ADGRL2: variants seen among roughly 807,000 people sequenced by gnomAD.
ADGRL2 encodes the protein calcium-independent alpha-latrotoxin receptor 2.
A neutral mutation model predicts 157.4 loss-of-function variants in ADGRL2; 44 were observed. The ratio of observed to expected loss-of-function variants is 0.28; its 90% CI spans 0.22 to 0.36. ADGRL2 has a LOEUF of 0.36. Ranked by LOEUF, ADGRL2 falls within the 10% of genes least tolerant of loss-of-function variation. The pLI is 1.00. For synonymous variants in ADGRL2, 585 were observed against 624.7 expected (o/e 0.94, Z 0.95); for missense variants, 1,510 against 1,768.9 (o/e 0.85, Z 2.63).
At chr1:81,549,969 C>A (rs1204873365) in intron 2 of ADGRL2, among the ~76,000 whole-genome samples, 8 of 152,098 alleles carry the variant, frequency 5.3e-5, no homozygotes, top group African/African-American at 1.9e-4. Flanking sequence ...AAAAGAAAAG[C>A]TTCTTTGTAA....
chr1:81,404,224 A>T (rs1336480907), intron 1 of ADGRL2, among the ~76,000 whole-genome samples: 1 of 152,210 alleles, frequency 6.6e-6, no homozygotes, highest in Non-Finnish European at 1.5e-5. Flanking sequence ...CCTTGCCGCC[A>T]TCTACTAGCT....
intron 1 of ADGRL2, among the ~76,000 whole-genome samples, chr1:81,428,751 A>G (rs1003516132): frequency 4.6e-5 from 7 of 152,120 alleles, no homozygotes; most frequent in African/African-American, 1.7e-4. Flanking sequence ...GTTTGATGAG[A>G]TTATAAGGAG....
At chr1:81,398,514 A>C (rs1173855534) in intron 1 of ADGRL2, among the ~76,000 whole-genome samples, 1 of 151,190 alleles carries the variant, frequency 6.6e-6, no homozygotes, top group African/African-American at 2.4e-5. Flanking sequence ...TTGTGGTGTG[A>C]TTATCATCTT....
At chr1:81,404,372 A>T (rs2076816591) in intron 1 of ADGRL2, among the ~76,000 whole-genome samples, 1 of 152,226 alleles carries the variant, frequency 6.6e-6, no homozygotes, top group African/African-American at 2.4e-5. Flanking sequence ...TATAGCGTTT[A>T]GTATGTCCCA....
chr1:81,921,636 T>G (rs996984582), intron 3 of ADGRL2, among the ~76,000 whole-genome samples: 29 of 152,200 alleles, frequency 1.9e-4, no homozygotes, highest in African/African-American at 6.8e-4. Flanking sequence ...TTTTATAGAT[T>G]TTGATGAACC....
intron 2 of ADGRL2, among the ~76,000 whole-genome samples, chr1:81,549,969 C>T (rs1204873365): frequency 6.6e-6 from 1 of 152,098 alleles, no homozygotes; most frequent in South Asian, 2.1e-4. Flanking sequence ...AAAAGAAAAG[C>T]TTCTTTGTAA....
intron 2 of ADGRL2, among the ~76,000 whole-genome samples, chr1:81,467,118 A>G (rs1330816268): frequency 6.6e-6 from 1 of 152,110 alleles, no homozygotes; most frequent in Non-Finnish European, 1.5e-5. Context: ...AAGACTGCTG[A>G]ACCTCATCCC....
chr1:81,894,288 G>T (rs1420193037), intron 2 of ADGRL2, among the ~76,000 whole-genome samples: 1 of 152,032 alleles, frequency 6.6e-6, no homozygotes, highest in African/African-American at 2.4e-5. Flanking sequence ...TTTTCAGTTT[G>T]CATCTATTGT....
chr1:81,951,270 A>G lies in ADGRL2; in HGVS notation c.1608+149A>G, dbSNP rs1651720247. The G allele has an allele frequency of 8.9e-6, 5 of 561,684 alleles. No homozygotes were observed. In the East Asian group the frequency reaches 1.4e-4, roughly 16 times the overall value. 34.8% of individuals were successfully genotyped at this position (561,684 alleles called of 1,614,324 possible). On this transcript the variant is annotated intron_variant, in intron 8 of 23. Coordinates refer to ENST00000686636, the MANE Select transcript of ADGRL2 (RefSeq NM_001366006.2). ...AAATTACGCATAGTTTTGTCTGTAA[A>G]CTGTTTATTGAAAGTTACATATGTT...
At chr1:81,413,614 G>A (rs974270250) in intron 1 of ADGRL2, among the ~76,000 whole-genome samples, 1 of 152,176 alleles carries the variant, frequency 6.6e-6, no homozygotes, top group African/African-American at 2.4e-5. Flanking sequence ...TTCGAGAGTT[G>A]TTTTGGATGA....
chr1:81,492,319 A>T (rs555010941), intron 2 of ADGRL2, among the ~76,000 whole-genome samples: 1 of 152,328 alleles, frequency 6.6e-6, no homozygotes, highest in Non-Finnish European at 1.5e-5. Context: ...GATTTTATGT[A>T]AATATCTTTG....
At chr1:81,664,672 T>G (rs1479172801) in intron 3 of ADGRL2, among the ~76,000 whole-genome samples, 1 of 152,230 alleles carries the variant, frequency 6.6e-6, no homozygotes, top group Non-Finnish European at 1.5e-5. Context: ...AAAAGCTATC[T>G]GAGGGCAAAG....
At chr1:81,850,983 C>T (rs1557772162) in intron 2 of ADGRL2, among the ~76,000 whole-genome samples, 1 of 151,774 alleles carries the variant, frequency 6.6e-6, no homozygotes, top group African/African-American at 2.4e-5. Context: ...AGTACCAAAG[C>T]TACATTTTAA....
At chr1:81,915,106 C>T (rs1158118817) in intron 3 of ADGRL2, among the ~76,000 whole-genome samples, 1 of 151,780 alleles carries the variant, frequency 6.6e-6, no homozygotes, top group East Asian at 1.9e-4. Flanking sequence ...TTGGTTTCTC[C>T]TTTTTTTTGA....
chr1:81,809,418 TAAAA>T (rs1056136804), intron 1 of ADGRL2, among the ~76,000 whole-genome samples: 8 of 151,944 alleles, frequency 5.3e-5, no homozygotes, highest in African/African-American at 1.7e-4. Context: ...TTAAATCTGA[TAAAA>T]AAAGAGATGG....
intron 1 of ADGRL2, among the ~76,000 whole-genome samples, chr1:81,375,846 A>G (rs2076239366): frequency 6.6e-6 from 1 of 151,704 alleles, no homozygotes; most frequent in Non-Finnish European, 1.5e-5. Flanking sequence ...CATCGCTTGG[A>G]TTTAATGATT....
At chr1:81,715,650 C>T (rs1335896431) in intron 1 of ADGRL2, among the ~76,000 whole-genome samples, 3 of 152,046 alleles carry the variant, frequency 2.0e-5, no homozygotes, top group African/African-American at 7.2e-5. Flanking sequence ...GTACTCCCCA[C>T]AAGCTTACCT....
In ADGRL2 at chr1:81,365,891, A is replaced by G. The variant is rs1468725641; in HGVS notation, c.-302+59382A>G. Among the ~76,000 whole-genome samples, 4 of 152,210 alleles carry G rather than the reference A, an allele frequency of 2.6e-5. No individual in the cohort carries two copies. The South Asian group carries it at 6.2e-4, about 24-fold the overall frequency. On this transcript the variant is annotated intron_variant, in intron 1 of 24. Coordinates refer to the ADGRL2 transcript ENST00000370721. ...TAATTTCTTCAATGAAAAATCGGGT[A>G]AAGTATCTGAAAGTGTTGTTTTAAA...
At chr1:81,766,923 T>G (rs2149329974) in intron 2 of ADGRL2, among the ~76,000 whole-genome samples, 1 of 151,952 alleles carries the variant, frequency 6.6e-6, no homozygotes, top group African/African-American at 2.4e-5. Context: ...AAAAACACAT[T>G]ATAATGCCCT....
Sources: gnomAD v4.1 joint callset for allele counts (sites outside exome capture counted in the v4.1 genomes callset) on GRCh38, gnomAD v4.1.1 for gene constraint, MANE v1.5 for transcripts, NCBI Gene and HGNC (gene_info 2026-07-23, HGNC 2026-07-21) for gene names.